The following THSD1 variants were observed in gnomAD, a reference collection of about 807,000 sequenced individuals.
The protein encoded by THSD1 is thrombospondin type-1 domain-containing protein 1.
Under a neutral mutation model 46.3 loss-of-function variants are expected in THSD1, and 34 were observed. That is an observed-to-expected ratio of 0.74 (90% CI 0.56 to 0.98). The LOEUF (loss-of-function observed/expected upper bound fraction) is 0.98, where lower values mean the gene tolerates loss of function less well. Among genes scored for constraint, THSD1 ranks in the 50% least tolerant of loss-of-function variants. The pLI, the probability that THSD1 is intolerant of heterozygous loss-of-function variation, is 0.00. For missense variants in THSD1, 1,023 were observed against 1,058.3 expected (o/e 0.97, Z 0.46); for synonymous variants, 407 against 416.5 (o/e 0.98, Z 0.28).
At chr13:52,398,252 T>C in intron 2 of THSD1, 58 bp from the exon 3 acceptor site, 1 of 1,536,920 alleles carries the variant, frequency 6.5e-7, no homozygotes, top group East Asian at 2.3e-5. Context: ...GAACTATTAG[T>C]GACATTGATG....
At position 52,386,039 on chromosome 13, in the gene THSD1, T is replaced by C; in HGVS notation, c.1169A>G (p.Glu390Gly). ...GCAAGAATACCTACCAGCACACTCCTCCAGGGAACACAGGGAGGCCTCCAA... is the reference window on the plus strand; with the variant it reads ...GCAAGAATACCTACCAGCACACTCCCCCAGGGAACACAGGGAGGCCTCCAA... ...MSLEASLCSL[E>G]ECAAFQPSSP... Residue 390 changes from glutamate to glycine, a missense_variant, in exon 4 of 5, where the codon GAG (glutamate) becomes GGG (glycine). This residue lies in a region of THSD1 where 429 missense variants were observed against 518.3 expected (regional missense o/e 0.83). Transcript: ENST00000258613. The C allele has an allele frequency of 3.1e-6, 5 of 1,613,800 alleles. No homozygotes were observed. Among genetic ancestry groups the C allele is most frequent in the Non-Finnish European group, 4.2e-6 (5 of 1,179,888 alleles).
intron 3 of THSD1, among the ~76,000 whole-genome samples, chr13:52,392,190 C>CCAAAAAA (rs1957778454): frequency 1.4e-5 from 1 of 69,752 alleles, no homozygotes; most frequent in African/African-American, 6.4e-5. Context: ...AGACTCCTCT[C>CCAAAAAA]AAAAAAAAAA....
chr13:52,391,926 C>T (rs1957775633), intron 3 of THSD1, among the ~76,000 whole-genome samples: 1 of 151,982 alleles, frequency 6.6e-6, no homozygotes, highest in Non-Finnish European at 1.5e-5. Context: ...GGCACGGTGG[C>T]TCATGCCTGT....
Position 52,402,646 on chromosome 13 carries a change from T to A in THSD1, c.-46A>T. ...GTCTTTAGTCTCCTCATGTCCTTTC[T>A]CACGTCCAGATTGTGATTTTTTTCC... On this transcript the variant is annotated 5_prime_UTR_variant, in exon 2 of 5. Coordinates refer to ENST00000258613, the MANE Select transcript of THSD1 (RefSeq NM_018676.4). 1 of 1,609,650 alleles carries A rather than the reference T, an allele frequency of 6.2e-7. No individual in the cohort carries two copies. The highest frequency in any genetic ancestry group is 1.3e-5 in the African/African-American group (1 of 74,974).
rs139801407 is a variant in THSD1 at position 52,389,062 on chromosome 13, G to A, written c.1022-2876C>T. 3.3e-3 allele frequency among the ~76,000 whole-genome samples: 496 copies of A among 151,928 alleles called. 3 individuals carry two copies. The highest frequency in any genetic ancestry group is 0.011 in the African/African-American group (446 of 41,416). On this transcript the variant is annotated intron_variant, in intron 3 of 4. Coordinates refer to ENST00000258613, the MANE Select transcript of THSD1 (RefSeq NM_018676.4). ...TGCAACCTCCACCTCCCAGGTTCAA[G>A]CGATTCTCATGCCTCAGCCTCCCAA... is the stretch of plus-strand genomic sequence containing the variant.
intron 4 of THSD1, chr13:52,384,199 AAAAAG>A: frequency 7.8e-5 from 25 of 318,518 alleles, no homozygotes; most frequent in Middle Eastern, 7.2e-4. Flanking sequence ...AAAAAAAAAA[AAAAAG>A]AAGAAGAAGA....
At chr13:52,403,924 C>T (rs1167672309) in intron 1 of THSD1, among the ~76,000 whole-genome samples, 1 of 150,570 alleles carries the variant, frequency 6.6e-6, no homozygotes, top group Non-Finnish European at 1.5e-5. Flanking sequence ...TTTAAGGTCC[C>T]CCCCATTATT....
chr13:52,390,371 GGAGT>G (rs1323678465), intron 3 of THSD1, among the ~76,000 whole-genome samples: 3 of 152,144 alleles, frequency 2.0e-5, no homozygotes, highest in Non-Finnish European at 4.4e-5. Context: ...TGCAATCTTT[GGAGT>G]GAGTAATGGA....
At chr13:52,395,361 T>C (rs1445909213) in intron 3 of THSD1, among the ~76,000 whole-genome samples, 1 of 151,876 alleles carries the variant, frequency 6.6e-6, no homozygotes. Flanking sequence ...TAATGTAGCA[T>C]TTATAGGAGG....
intron 4 of THSD1, among the ~76,000 whole-genome samples, chr13:52,384,727 T>A (rs1414330187): frequency 6.6e-6 from 1 of 152,106 alleles, no homozygotes. Context: ...GAACACATGA[T>A]CCCATCCCAG....
At chr13:52,391,343 G>A (rs774387852) in intron 3 of THSD1, among the ~76,000 whole-genome samples, 1 of 150,846 alleles carries the variant, frequency 6.6e-6, no homozygotes, top group Non-Finnish European at 1.5e-5. Flanking sequence ...TCAGCCTCCC[G>A]AGTAGCTGGT....
Position 52,377,982 on chromosome 13 carries a change from C to T in THSD1, c.1988G>A (p.Arg663Gln), listed in dbSNP as rs531663072. ...TASFHEARQA[R>Q]PFRERSMSTL... ...GGACATGCTCCTCTCTCGGAACGGC[C>T]GGGCCTGCCTGGCTTCATGGAAACT... The change falls in exon 5 of 5, where the codon CGG becomes CAG. Residue 663 changes from arginine (R) to glutamine (Q), a missense_variant. Coordinates refer to ENST00000258613, the MANE Select transcript of THSD1 (RefSeq NM_018676.4). 24 of 1,614,008 alleles carry T rather than the reference C, an allele frequency of 1.5e-5. No individual in the cohort carries two copies. In the East Asian group the frequency reaches 2.9e-4, roughly 19 times the overall value.
In THSD1 at chr13:52,403,488, T is replaced by C. The variant is rs142090400; in HGVS notation, c.-81-807A>G. On this transcript the variant is annotated intron_variant, in intron 1 of 4. Transcript: ENST00000258613. ...TGGAAGAAGCACTTATTTTATTTTATTTATTTATTTAGAGATGGAGTCTCA... is the reference window on the plus strand; with the variant it reads ...TGGAAGAAGCACTTATTTTATTTTACTTATTTATTTAGAGATGGAGTCTCA... Among the ~76,000 whole-genome samples the C allele has an allele frequency of 3.3e-3, 495 of 152,276 alleles. 3 individuals are homozygous for C. The highest frequency in any genetic ancestry group is 0.011 in the African/African-American group (447 of 41,564).
intron 3 of THSD1, among the ~76,000 whole-genome samples, chr13:52,394,075 G>C (rs1301299883): frequency 3.3e-5 from 5 of 152,128 alleles, no homozygotes; most frequent in South Asian, 4.1e-4. Flanking sequence ...TAGACACACA[G>C]AGAACCACTC....
chr13:52,382,836 A>T (rs1057176146), intron 4 of THSD1, among the ~76,000 whole-genome samples: 5 of 151,818 alleles, frequency 3.3e-5, no homozygotes, highest in Admixed American at 1.3e-4. Flanking sequence ...CCTCGTCTCT[A>T]CTAAAAATAC....
intron 3 of THSD1, among the ~76,000 whole-genome samples, chr13:52,390,029 A>G (rs1471003713): frequency 6.6e-6 from 1 of 151,774 alleles, no homozygotes; most frequent in Non-Finnish European, 1.5e-5. Context: ...AGTACCAGCT[A>G]CTCGGGAGAC....
At chr13:52,391,006 G>T (rs890087200) in intron 3 of THSD1, among the ~76,000 whole-genome samples, 6 of 152,048 alleles carry the variant, frequency 3.9e-5, no homozygotes, top group African/African-American at 1.4e-4. Flanking sequence ...TCACTCCAAA[G>T]ATTGCACCAC....
chr13:52,385,928 T>A, intron 4 of THSD1, 100 bp downstream of exon 4: 1 of 1,096,992 alleles, frequency 9.1e-7, no homozygotes, highest in Non-Finnish European at 1.3e-6. Flanking sequence ...ATGAGTCTAC[T>A]CCTGATCTTA....
At chr13:52,381,399 C>T (rs1441492087) in intron 4 of THSD1, among the ~76,000 whole-genome samples, 1 of 152,138 alleles carries the variant, frequency 6.6e-6, no homozygotes, top group Non-Finnish European at 1.5e-5. Flanking sequence ...ACCTCAGCTG[C>T]CCACAAATCC....
Sources: allele counts gnomAD v4.1 joint callset (sites outside exome capture counted in the v4.1 genomes callset), GRCh38; gene constraint gnomAD v4.1.1; regional missense constraint gnomAD v4.1.1; transcripts MANE v1.5; gene names NCBI Gene and HGNC (gene_info 2026-07-23, HGNC 2026-07-21).